Variants in PKD1L1 observed in about 807,000 individuals in gnomAD.
The protein encoded by PKD1L1 is polycystin-1-like protein 1.
A neutral mutation model predicts 323.4 loss-of-function variants in PKD1L1; 236 were observed. That is an observed-to-expected ratio of 0.73 (90% CI 0.66 to 0.81). The LOEUF (loss-of-function observed/expected upper bound fraction) is 0.81, where lower values mean the gene tolerates loss of function less well. Among genes scored for constraint, PKD1L1 ranks in the 40% least tolerant of loss-of-function variants. The pLI is 0.00. For missense variants in PKD1L1, 3,320 were observed against 3,508.0 expected (o/e 0.95, Z 1.35); for synonymous variants, 1,344 against 1,335.0 (o/e 1.01, Z -0.15).
intron 7 of PKD1L1, among the ~76,000 whole-genome samples, chr7:47,921,139 T>C (rs1421760007): frequency 1.3e-5 from 2 of 148,164 alleles, no homozygotes; most frequent in African/African-American, 5.0e-5. Context: ...CTTCACAATC[T>C]ATACATCTGA....
At chr7:47,829,722 G>C in intron 43 of PKD1L1, 121 bp from the exon 44 acceptor site, 3 of 1,078,220 alleles carry the variant, frequency 2.8e-6, no homozygotes, top group Non-Finnish European at 4.0e-6. Flanking sequence ...AAAGACACCA[G>C]TAGTCACTGC....
Position 47,902,058 on chromosome 7 carries a change from AAAAAG to A in PKD1L1, c.2064+316_2064+320del, listed in dbSNP as rs746953843. Among the ~76,000 whole-genome samples, 621 of 122,048 alleles carry A rather than the reference AAAAAG, an allele frequency of 5.1e-3. 4 individuals are homozygous for A. The highest frequency in any genetic ancestry group is 7.7e-3 in the Non-Finnish European group (424 of 54,828). 80.1% of individuals were successfully genotyped at this position (122,048 alleles called of 152,430 possible). ...GGAAAAGAAAAGAAAAGAAAAGAAA[AAAAAG>A]AAAAGAAAAGAGCTCCTTAAAGTGA... On this transcript the variant is annotated intron_variant, in intron 13 of 56. Transcript: ENST00000289672.
intron 1 of PKD1L1, 135 bp from the exon 2 acceptor site, chr7:47,943,646 G>A (rs1412328019): frequency 2.8e-5 from 18 of 647,888 alleles, no homozygotes; most frequent in Non-Finnish European, 3.0e-5. Context: ...GCTGCCATAT[G>A]AACAAAAAGA....
rs569611381 is a variant in PKD1L1, at chr7:47,918,040, A to T, written c.1061-2441T>A. On this transcript the variant is annotated intron_variant, in intron 7 of 56. Coordinates refer to ENST00000289672, the MANE Select transcript of PKD1L1 (RefSeq NM_138295.5). ...ATGCTCCACTTAAAGGATACAGAAT[A>T]GCAGAATGGATAAGAATTCACCAAC... Among the ~76,000 whole-genome samples the T allele has an allele frequency of 7.9e-5, 12 of 152,308 alleles. 1 individual carries two copies. In the East Asian group the frequency reaches 1.9e-3, roughly 24 times the overall value.
chr7:47,863,831 G>C (rs543978357), intron 26 of PKD1L1, among the ~76,000 whole-genome samples: 3 of 152,192 alleles, frequency 2.0e-5, no homozygotes, highest in African/African-American at 7.2e-5. Context: ...GAGGCAGGCT[G>C]AGCCACACAG....
chr7:47,958,730 C>A, the PKD1L1 span, among the ~76,000 whole-genome samples: 6 of 152,200 alleles, frequency 3.9e-5, no homozygotes, highest in Non-Finnish European at 7.3e-5. Context: ...ATAAAAGGAA[C>A]TCAACTTAAT....
chr7:47,932,128 A>C (rs2128756033), intron 4 of PKD1L1, 72 bp from the exon 5 acceptor site: 1 of 1,524,256 alleles, frequency 6.6e-7, no homozygotes, highest in Non-Finnish European at 8.8e-7. Context: ...GGCTTATTTG[A>C]TTACAAATCA....
rs760687222 is a variant in PKD1L1, at chr7:47,904,617, C to G, written c.1692G>C (p.Trp564Cys). Residue 564 changes from tryptophan (W) to cysteine (C), a missense_variant and splice_region_variant, in exon 12 of 57, where the codon TGG (tryptophan) becomes TGC (cysteine). Coordinates refer to ENST00000289672, the MANE Select transcript of PKD1L1 (RefSeq NM_138295.5). Reference protein sequence around the residue: ...SIKKRLSIPQWYRVMVKASNR... With the variant: ...SIKKRLSIPQCYRVMVKASNR... ...TGGAAGCCTTAACCATCACACGATA[C>G]CTGCAGGATGGGGAAAGGAGGGCAG... The G allele has an allele frequency of 6.2e-7, 1 of 1,607,976 alleles. No homozygotes were observed. Among genetic ancestry groups the G allele is most frequent in the Admixed American group, 1.7e-5 (1 of 59,840 alleles).
chr7:47,939,942 A>C (rs1245947821), intron 3 of PKD1L1, among the ~76,000 whole-genome samples: 1 of 151,244 alleles, frequency 6.6e-6, no homozygotes, highest in African/African-American at 2.4e-5. Context: ...GCTACCCCTC[A>C]CTCCCCATCT....
intron 54 of PKD1L1, among the ~76,000 whole-genome samples, chr7:47,797,790 A>C (rs902229108): frequency 1.3e-5 from 2 of 152,246 alleles, no homozygotes; most frequent in Non-Finnish European, 2.9e-5. Flanking sequence ...TGTTGTATGA[A>C]GATTTCCTGG....
At position 47,829,557 on chromosome 7, in the gene PKD1L1, G is replaced by T; in HGVS notation, c.6603C>A (p.Asp2201Glu). 2.5e-6 allele frequency: 4 copies of T among 1,613,350 alleles called. No homozygotes were observed. Among genetic ancestry groups the T allele is most frequent in the Non-Finnish European group, 3.4e-6 (4 of 1,179,832 alleles). The change falls in exon 44 of 57, where the codon GAC (aspartate) becomes GAA (glutamate). Residue 2201 changes from aspartate (D) to glutamate (E), a missense_variant. Physicochemically the swap from Asp to Glu is conservative, Grantham distance 45 (BLOSUM62 2). Coordinates refer to ENST00000289672, the MANE Select transcript of PKD1L1 (RefSeq NM_138295.5). ...ATAAAGACTCAGTAAAAAAGTGGTT[G>T]TCAGCTCTTCTTTTCCAAGCAAAAC... ...ALGFAWKRRADNHFFTESLCE... is the reference protein window; with the variant it reads ...ALGFAWKRRAENHFFTESLCE...
At chr7:47,836,783 TC>T (rs1218055713) in intron 37 of PKD1L1, 137 bp downstream of exon 37, 26 of 1,089,692 alleles carry the variant, frequency 2.4e-5, no homozygotes, top group Middle Eastern at 3.1e-4. Flanking sequence ...CCTTCTCTGG[TC>T]CCCAGGCAGC....
At chr7:47,887,146 A>C (rs1409210095) in intron 17 of PKD1L1, among the ~76,000 whole-genome samples, 1 of 152,240 alleles carries the variant, frequency 6.6e-6, no homozygotes, top group African/African-American at 2.4e-5. Flanking sequence ...TCTCTTGCCA[A>C]GAAGGGCACA....
intron 24 of PKD1L1, among the ~76,000 whole-genome samples, chr7:47,870,213 C>G (rs1786251873): frequency 6.6e-6 from 1 of 151,350 alleles, no homozygotes; most frequent in Non-Finnish European, 1.5e-5. Context: ...TAAACCAGAG[C>G]AAGTACAAGG....
intron 46 of PKD1L1, among the ~76,000 whole-genome samples, chr7:47,818,523 A>T (rs1785072736): frequency 6.6e-6 from 1 of 152,242 alleles, no homozygotes; most frequent in Non-Finnish European, 1.5e-5. Context: ...GAATAACATT[A>T]AGAAACTAAG....
At position 47,869,802 on chromosome 7, in the gene PKD1L1, A is replaced by G. The variant is rs111514923; in HGVS notation, c.3897-3188T>C. ...AGATACATATTCTTTTCAAGTGCAC[A>G]TGGGACATTTTCTAGAATACACCAT... is the stretch of plus-strand genomic sequence containing the variant. On this transcript the variant is annotated intron_variant, in intron 24 of 56. Coordinates refer to ENST00000289672, the MANE Select transcript of PKD1L1 (RefSeq NM_138295.5). Among the ~76,000 whole-genome samples the G allele has an allele frequency of 4.6e-3, 703 of 152,298 alleles. 4 individuals are homozygous for G. The highest frequency in any genetic ancestry group is 7.7e-3 in the Non-Finnish European group (524 of 67,992).
chr7:47,784,506 CTTG>C (rs1786764450), intron 56 of PKD1L1, among the ~76,000 whole-genome samples: 1 of 151,880 alleles, frequency 6.6e-6, no homozygotes, highest in South Asian at 2.1e-4. Context: ...GAGTTTCACT[CTTG>C]TTGCCCAAGC....
chr7:47,893,991 A>G lies in PKD1L1; in HGVS notation c.2340T>C (p.Pro780=). The G allele has an allele frequency of 6.2e-7, 1 of 1,613,514 alleles. No homozygotes were observed. Among genetic ancestry groups the G allele is most frequent in the Non-Finnish European group, 8.5e-7 (1 of 1,179,718 alleles). The change falls in exon 15 of 57, where the codon CCT becomes CCC. Residue 780 remains proline, a synonymous_variant. Transcript: ENST00000289672. ...CVGLEVRAQA[P]VSVISEGTHL... ...GTGTGCCCTCGGAGATCACACTGACAGGGGCCTGGGCTCGCACCTCCAGGC... is the reference window on the plus strand; with the variant it reads ...GTGTGCCCTCGGAGATCACACTGACGGGGGCCTGGGCTCGCACCTCCAGGC...
intron 56 of PKD1L1, among the ~76,000 whole-genome samples, chr7:47,786,929 C>A (rs1389164420): frequency 6.6e-6 from 1 of 152,136 alleles, no homozygotes; most frequent in African/African-American, 2.4e-5. Flanking sequence ...TGGGGGCTGG[C>A]AACTCACCGC....
Sources: gnomAD v4.1 joint callset for allele counts (sites outside exome capture counted in the v4.1 genomes callset) on GRCh38, gnomAD v4.1.1 for gene constraint, MANE v1.5 for transcripts, NCBI Gene and HGNC (gene_info 2026-07-23, HGNC 2026-07-21) for gene names.